Variants in ALDH16A1 observed in about 807,000 individuals in gnomAD.
ALDH16A1 encodes aldehyde dehydrogenase 16 family member A1.
A neutral mutation model predicts 96.1 loss-of-function variants in ALDH16A1; 88 were observed. The ratio of observed to expected loss-of-function variants is 0.92; its 90% CI spans 0.77 to 1.09. The LOEUF is 1.09. ALDH16A1 is among the 50% of genes least tolerant of loss of function. The pLI, the probability that ALDH16A1 is intolerant of heterozygous loss-of-function variation, is 0.00. For synonymous variants in ALDH16A1, 522 were observed against 496.4 expected (o/e 1.05, Z -0.69); for missense variants, 1,250 against 1,112.6 (o/e 1.12, Z -1.76).
At position 49,462,603 on chromosome 19, in the gene ALDH16A1, T is replaced by C. The variant is rs766764305; in HGVS notation, c.946T>C (p.Trp316Arg). The C allele has an allele frequency of 1.8e-5, 29 of 1,612,860 alleles. 1 individual carries two copies. The Admixed American group carries it at 4.8e-4, about 27-fold the overall frequency. Reference protein sequence around the residue: ...GLRLLIQESVWDEAMRRLQER... With the variant: ...GLRLLIQESVRDEAMRRLQER... ...CAGGCTCCTCATCCAGGAGTCTGTG[T>C]GGGATGAAGCCATGAGACGGCTGCA... Residue 316 changes from tryptophan (W) to arginine (R), a missense_variant, in exon 8 of 17, where the codon TGG becomes CGG. Coordinates refer to ENST00000293350, the MANE Select transcript of ALDH16A1 (RefSeq NM_153329.4).
rs775029686 is a variant in ALDH16A1 at position 49,461,645 on chromosome 19, C to G, written c.604C>G (p.Pro202Ala). 1 of 1,599,722 alleles carries G rather than the reference C, an allele frequency of 6.3e-7. No homozygotes were observed. Among genetic ancestry groups the G allele is most frequent in the Non-Finnish European group, 8.5e-7 (1 of 1,173,668 alleles). ...CTGCACCGTGGTGGCCCTCGTGCCC[C>G]CGGCCTCCCCGGCGCCCCTCCTCCT... The part of the protein sequence containing the change: ...VGCTVVALVP[P>A]ASPAPLLLAQ... Residue 202 changes from proline to alanine, a missense_variant, in exon 6 of 17, where the codon CCG becomes GCG. By Grantham distance (27) the Pro-to-Ala change is conservative. Transcript: ENST00000293350.
In ALDH16A1 at chr19:49,459,955, G is replaced by C; in HGVS notation, c.499+107G>C. On this transcript the variant is annotated intron_variant, in intron 4 of 16. Transcript: ENST00000293350. This position sits in a 1 kb window ranked among gnomAD's most constrained non-coding sequence, Gnocchi z 4.1. ...GACAGAGTTTCGCTCTTGTCGCCCA[G>C]GCCGGAGTGCAGTGGCGCAATCTTG... 7.4e-7 allele frequency: 1 copy of C among 1,349,472 alleles called. No homozygotes were observed. Among genetic ancestry groups the C allele is most frequent in the South Asian group, 1.5e-5 (1 of 68,112 alleles). The allele number at this position is 1,349,472 out of a possible 1,614,324, so 83.6% of individuals were successfully genotyped here. A position where few individuals can be genotyped will look rare whatever the true frequency, so the allele number is the denominator to read the frequency against.
chr19:49,454,020 G>GTTTTTTTTGTGTTT (rs1568645951), intron 1 of ALDH16A1, among the ~76,000 whole-genome samples: 1 of 68,256 alleles, frequency 1.5e-5, no homozygotes, highest in African/African-American at 4.7e-5. Context: ...TTTGGGTTGG[G>GTTTTTTTTGTGTTT]TTTTTTTTTT....
rs756693166 is a variant in ALDH16A1, at chr19:49,462,619, G to A, written c.962G>A (p.Arg321Lys). ...IQESVWDEAM[R>K]RLQERMGRLR... The stretch of plus-strand genomic sequence containing the variant: ...GAGTCTGTGTGGGATGAAGCCATGA[G>A]ACGGCTGCAGGAGCGGATGGGGCGG... Residue 321 changes from arginine (R) to lysine (K), a missense_variant, in exon 8 of 17, where the codon AGA becomes AAA. By Grantham distance (26) the Arg-to-Lys change is conservative. Transcript: ENST00000293350. 4 of 1,613,088 alleles carry A rather than the reference G, an allele frequency of 2.5e-6. No homozygotes were observed. Among genetic ancestry groups the A allele is most frequent in the Non-Finnish European group, 3.4e-6 (4 of 1,179,966 alleles).
At chr19:49,457,535 A>T (rs1196365570) in intron 1 of ALDH16A1, among the ~76,000 whole-genome samples, 2 of 135,438 alleles carry the variant, frequency 1.5e-5, no homozygotes, top group African/African-American at 2.7e-5. Flanking sequence ...GTGACAGAGC[A>T]AGACTCTGTC....
chr19:49,458,313 C>T (rs1223672495), intron 1 of ALDH16A1, among the ~76,000 whole-genome samples, 173 bp from the exon 2 acceptor site: 1 of 152,154 alleles, frequency 6.6e-6, no homozygotes, highest in African/African-American at 2.4e-5. Context: ...CTGAACTATA[C>T]ACTTTGAAAT....
chr19:49,462,446 T>C, intron 7 of ALDH16A1, 124 bp from the exon 8 acceptor site: 2 of 1,242,264 alleles, frequency 1.6e-6, no homozygotes, highest in Non-Finnish European at 2.2e-6. Context: ...CTCTGTTCTT[T>C]AGGACTCTGT....
intron 16 of ALDH16A1, 198 bp downstream of exon 16, chr19:49,469,184 C>G (rs973910312): frequency 1.4e-6 from 1 of 698,350 alleles, no homozygotes; most frequent in Non-Finnish European, 2.2e-6. Flanking sequence ...GGCCTGAGAG[C>G]TGCCTAGCCC....
Position 49,468,696 on chromosome 19 carries a change from A to T in ALDH16A1, c.2124+130A>T, listed in dbSNP as rs1310969282. The stretch of plus-strand genomic sequence containing the variant: ...TACCCATGCTGCCCCCAGCCCCAGC[A>T]CCCAAACCTTCACTCCTTGGGGACC... On this transcript the variant is annotated intron_variant, in intron 15 of 16. Coordinates refer to ENST00000293350, the MANE Select transcript of ALDH16A1 (RefSeq NM_153329.4). This position sits in a 1 kb window ranked among gnomAD's most constrained non-coding sequence, Gnocchi z 4.4. The T allele has an allele frequency of 6.1e-5, 84 of 1,378,592 alleles. No individual in the cohort carries two copies. Among genetic ancestry groups the T allele is most frequent in the Non-Finnish European group, 8.0e-5 (81 of 1,017,006 alleles). 85.4% of individuals were successfully genotyped at this position (1,378,592 alleles called of 1,614,324 possible).
chr19:49,468,745 C>G lies in ALDH16A1; in HGVS notation c.2125-119C>G. The G allele has an allele frequency of 7.2e-7, 1 of 1,396,808 alleles. No individual in the cohort carries two copies. The highest frequency in any genetic ancestry group is 9.8e-7 in the Non-Finnish European group (1 of 1,021,284). 86.5% of individuals were successfully genotyped at this position (1,396,808 alleles called of 1,614,324 possible). On this transcript the variant is annotated intron_variant, in intron 15 of 16. Coordinates refer to ENST00000293350, the MANE Select transcript of ALDH16A1 (RefSeq NM_153329.4). This position sits in a 1 kb window ranked among gnomAD's most constrained non-coding sequence, Gnocchi z 4.4. ...CCCAGTGCCCATTCTTCACCCTAGG[C>G]CTGGGGCTTTCTCCTCCATGACCCC...
chr19:49,464,823 T>C (rs1267352297), intron 12 of ALDH16A1, 61 bp downstream of exon 12: 2 of 1,605,554 alleles, frequency 1.2e-6, no homozygotes, highest in Non-Finnish European at 1.7e-6. Context: ...TTGATGCCTG[T>C]TTCCCCGTGG....
At chr19:49,464,839 A>T in intron 12 of ALDH16A1, 77 bp downstream of exon 12, 4 of 1,595,652 alleles carry the variant, frequency 2.5e-6, no homozygotes, top group Non-Finnish European at 3.4e-6. Flanking sequence ...CGTGGACTGG[A>T]GGGCTGGCGC....
At position 49,465,803 on chromosome 19, in the gene ALDH16A1, G is replaced by C. The variant is rs750495537; in HGVS notation, c.1634G>C (p.Arg545Thr). The change falls in exon 13 of 17, where the codon AGG (arginine) becomes ACG (threonine). Residue 545 changes from arginine to threonine, a missense_variant. Coordinates refer to ENST00000293350, the MANE Select transcript of ALDH16A1 (RefSeq NM_153329.4). ...CAGGCTCCTGGGGCCCGAAGCTCCAGGCCCATCCGGGATTCGTCTGGCAAC... is the reference window on the plus strand; with the variant it reads ...CAGGCTCCTGGGGCCCGAAGCTCCACGCCCATCCGGGATTCGTCTGGCAAC... Reference protein sequence around the residue: ...RFQAPGARSSRPIRDSSGNLH... With the variant: ...RFQAPGARSSTPIRDSSGNLH... The C allele has an allele frequency of 2.0e-5, 33 of 1,614,026 alleles. No homozygotes were observed. The highest frequency in any genetic ancestry group is 3.3e-5 in the Admixed American group (2 of 59,986).
rs1304859429 is a variant in ALDH16A1 at position 49,466,144 on chromosome 19, A to C, written c.1799A>C (p.Glu600Ala). The C allele has an allele frequency of 1.9e-6, 3 of 1,558,054 alleles. No homozygotes were observed. The South Asian group carries it at 3.5e-5, about 18-fold the overall frequency. ...CTGTGGGCCCTGGCGGCTGCACTGG[A>C]GCGCCGGAAGTCTACCCTGGCCTCG... The part of the protein sequence containing the change: ...ALLWALAAAL[E>A]RRKSTLASRL... Residue 600 changes from glutamate to alanine, a missense_variant, in exon 14 of 17, where the codon GAG becomes GCG. By Grantham distance (107) the Glu-to-Ala change is moderately radical. Transcript: ENST00000293350.
At chr19:49,454,006 C>T (rs1048206896) in intron 1 of ALDH16A1, among the ~76,000 whole-genome samples, 1 of 146,316 alleles carries the variant, frequency 6.8e-6, no homozygotes, top group African/African-American at 2.5e-5. Flanking sequence ...ATCAGGACTT[C>T]CGGTTTGGGT....
chr19:49,453,405 G>A lies in ALDH16A1; in HGVS notation c.74G>A (p.Ser25Asn), dbSNP rs1472575074. 6.4e-7 allele frequency: 1 copy of A among 1,554,536 alleles called. No homozygotes were observed. ...CTGGAGTACGGACCGGTGCCGGAGA[G>A]CCACGCATGCGCACTGGTGAGAGTC... ...TSLEYGPVPE[S>N]HACALAWLDT... The change falls in exon 1 of 17, where the codon AGC becomes AAC. Residue 25 changes from serine to asparagine, a missense_variant. Transcript: ENST00000293350.
rs554779804 is a variant in ALDH16A1 at position 49,458,125 on chromosome 19, G to A, written c.91-361G>A. Among the ~76,000 whole-genome samples, 103 of 152,038 alleles carry A rather than the reference G, an allele frequency of 6.8e-4. No homozygotes were observed. The East Asian group carries it at 0.016, about 24-fold the overall frequency. ...TCCCAGCTACTCAGGAGATTGAGGC[G>A]GGAGAATAGCGTGAACCCAGGAGGC... On this transcript the variant is annotated intron_variant, in intron 1 of 16. Transcript: ENST00000293350.
chr19:49,453,665 C>G (rs898593260), intron 1 of ALDH16A1, among the ~76,000 whole-genome samples: 1 of 152,180 alleles, frequency 6.6e-6, no homozygotes, highest in African/African-American at 2.4e-5. Context: ...CTGAACTCCT[C>G]GTAGTGTTTC....
chr19:49,461,876 G>A lies in ALDH16A1; in HGVS notation c.760-8G>A, dbSNP rs551151028. The A allele has an allele frequency of 5.7e-6, 9 of 1,586,156 alleles. No homozygotes were observed. Among genetic ancestry groups the A allele is most frequent in the East Asian group, 2.3e-5 (1 of 43,460 alleles). ...TCCTCCTGCGGCTGAACTGGGGGGG[G>A]TCCCTAGGAAGGGCGTGCCCTTCGA... On this transcript the variant is annotated splice_region_variant and splice_polypyrimidine_tract_variant and intron_variant, in intron 6 of 16. Coordinates refer to ENST00000293350, the MANE Select transcript of ALDH16A1 (RefSeq NM_153329.4).
Sources: allele counts gnomAD v4.1 joint callset (sites outside exome capture counted in the v4.1 genomes callset), GRCh38; gene constraint gnomAD v4.1.1; non-coding constraint Gnocchi (gnomAD v3.1); transcripts MANE v1.5; gene names NCBI Gene and HGNC (gene_info 2026-07-23, HGNC 2026-07-21).